MAP3K20: variants seen among roughly 807,000 people sequenced by gnomAD.
MAP3K20 encodes the protein mitogen-activated protein kinase kinase kinase 20.
In MAP3K20, 40 loss-of-function variants were observed where a neutral mutation model predicts 85.7. The ratio of observed to expected loss-of-function variants is 0.47; its 90% CI spans 0.36 to 0.61. The LOEUF is 0.61. Among genes scored for constraint, MAP3K20 ranks in the 20% least tolerant of loss-of-function variants. The probability of loss-of-function intolerance (pLI) is 0.00; values close to 1 mark genes in which losing one functional copy is unlikely to be tolerated. For synonymous variants in MAP3K20, 325 were observed against 327.7 expected (o/e 0.99, Z 0.09); for missense variants, 817 against 961.7 (o/e 0.85, Z 1.99).
chr2:173,077,818 C>G (rs1199464810), intron 1 of MAP3K20, among the ~76,000 whole-genome samples: 1 of 152,174 alleles, frequency 6.6e-6, no homozygotes, highest in African/African-American at 2.4e-5. Flanking sequence ...ATTAAACACT[C>G]GGACTTGGAT....
At chr2:173,207,293 C>T (rs567483181) in intron 9 of MAP3K20, among the ~76,000 whole-genome samples, 5 of 152,202 alleles carry the variant, frequency 3.3e-5, no homozygotes, top group South Asian at 2.1e-4. Context: ...AGGAGTTGGA[C>T]ACCAGCCAGG....
chr2:173,197,459 G>A (rs572518886), intron 7 of MAP3K20, among the ~76,000 whole-genome samples: 4 of 152,232 alleles, frequency 2.6e-5, no homozygotes, highest in Admixed American at 1.3e-4. Flanking sequence ...CCCTTAGACC[G>A]ACTCATTTTG....
At chr2:173,118,821 C>T (rs899215944) in intron 2 of MAP3K20, among the ~76,000 whole-genome samples, 1 of 152,096 alleles carries the variant, frequency 6.6e-6, no homozygotes, top group African/African-American at 2.4e-5. Context: ...GAAATTACAA[C>T]TTTATCCTGT....
At chr2:173,227,948 A>C (rs1684431249) in intron 11 of MAP3K20, among the ~76,000 whole-genome samples, 1 of 152,094 alleles carries the variant, frequency 6.6e-6, no homozygotes, top group Admixed American at 6.6e-5. Flanking sequence ...GAAGAGACAA[A>C]ATTGTCACCT....
intron 2 of MAP3K20, among the ~76,000 whole-genome samples, chr2:173,116,040 G>A (rs962737793): frequency 6.6e-6 from 1 of 151,392 alleles, no homozygotes; most frequent in Admixed American, 6.6e-5. Context: ...TGTAGAGAAA[G>A]GGTTTTGCCA....
At chr2:173,101,088 G>T (rs1687625007) in intron 2 of MAP3K20, among the ~76,000 whole-genome samples, 1 of 152,178 alleles carries the variant, frequency 6.6e-6, no homozygotes, top group Admixed American at 6.5e-5. Context: ...TAGGAGAGAG[G>T]TCACTGAGGA....
chr2:173,179,984 G>T (rs1690278825), intron 3 of MAP3K20, among the ~76,000 whole-genome samples: 1 of 152,094 alleles, frequency 6.6e-6, no homozygotes, highest in African/African-American at 2.4e-5. Flanking sequence ...TAAACAAATA[G>T]ACATTTACAT....
At chr2:173,145,246 CAAAAAAAAA>C (rs1278133534) in intron 2 of MAP3K20, among the ~76,000 whole-genome samples, 7 of 146,098 alleles carry the variant, frequency 4.8e-5, no homozygotes, top group Non-Finnish European at 9.0e-5. Context: ...GACTCCGTCT[CAAAAAAAAA>C]GAAAAAAAAA....
rs1169067117 is a variant in MAP3K20, at chr2:173,267,443, T to A, written c.*693T>A. 1.3e-5 allele frequency: 2 copies of A among 152,188 alleles called. No individual in the cohort carries two copies. The highest frequency in any genetic ancestry group is 4.8e-5 in the African/African-American group (2 of 41,416). 9.4% of individuals were successfully genotyped at this position (152,188 alleles called of 1,614,324 possible). A position where few individuals can be genotyped will look rare whatever the true frequency, so the allele number is the denominator to read the frequency against. ...ATTTAGTATTTATTTTAGTAAGATATTTGTGTCTGTATGATGGTCAGAGTT... is the reference window on the plus strand; with the variant it reads ...ATTTAGTATTTATTTTAGTAAGATAATTGTGTCTGTATGATGGTCAGAGTT... On this transcript the variant is annotated 3_prime_UTR_variant, in exon 20 of 20. Transcript: ENST00000375213.
At chr2:173,179,252 G>A (rs999918957) in intron 3 of MAP3K20, among the ~76,000 whole-genome samples, 4 of 152,050 alleles carry the variant, frequency 2.6e-5, no homozygotes, top group African/African-American at 9.7e-5. Flanking sequence ...AATTAGCTGG[G>A]CATGGTGGCA....
At position 173,198,248 on chromosome 2, in the gene MAP3K20, G is replaced by A; in HGVS notation, c.669+136G>A. ...GATTAGCAGTAGGAGCTAACACAAA[G>A]GGTCAAAGTGATGTTATTCCTCATG... On this transcript the variant is annotated intron_variant, in intron 8 of 19. Transcript: ENST00000375213. This position sits in a 1 kb window ranked among gnomAD's most constrained non-coding sequence, Gnocchi z 5.8. 1 of 707,406 alleles carries A rather than the reference G, an allele frequency of 1.4e-6. No homozygotes were observed. The highest frequency in any genetic ancestry group is 2.7e-5 in the Admixed American group (1 of 37,020). 43.8% of individuals were successfully genotyped at this position (707,406 alleles called of 1,614,324 possible).
At chr2:173,224,318 TAAG>T in intron 11 of MAP3K20, 1 of 985,394 alleles carries the variant, frequency 1.0e-6, no homozygotes, top group Non-Finnish European at 1.2e-6. Context: ...GAGTCTCATT[TAAG>T]AATGATCAGC....
chr2:173,104,361 G>C (rs759625808), intron 2 of MAP3K20, among the ~76,000 whole-genome samples: 57 of 152,212 alleles, frequency 3.7e-4, no homozygotes, highest in Non-Finnish European at 7.1e-4. Context: ...CTGATGGACA[G>C]TCTACAAAAT....
chr2:173,117,987 G>A (rs1235371360), intron 2 of MAP3K20, among the ~76,000 whole-genome samples: 2 of 152,138 alleles, frequency 1.3e-5, no homozygotes, highest in Non-Finnish European at 2.9e-5. Context: ...CTAAATCTCT[G>A]GTATGGCAGG....
At chr2:173,132,338 C>T (rs376912407) in intron 2 of MAP3K20, among the ~76,000 whole-genome samples, 1 of 152,284 alleles carries the variant, frequency 6.6e-6, no homozygotes, top group East Asian at 1.9e-4. Context: ...AAGTCACCCT[C>T]AACAAAGCTT....
chr2:173,139,070 A>G lies in MAP3K20; in HGVS notation c.160-30735A>G, dbSNP rs563696179. On this transcript the variant is annotated intron_variant, in intron 2 of 19. Transcript: ENST00000375213. ...GAACTTGGTATCCTCAAATGATAGTATATAATATTACTCAGTGCTTTGCCA... is the reference window on the plus strand; with the variant it reads ...GAACTTGGTATCCTCAAATGATAGTGTATAATATTACTCAGTGCTTTGCCA... Among the ~76,000 whole-genome samples, 5 of 152,364 alleles carry G rather than the reference A, an allele frequency of 3.3e-5. No homozygotes were observed. In the East Asian group the frequency reaches 9.7e-4, roughly 29 times the overall value.
chr2:173,167,098 G>A (rs1689853795), intron 2 of MAP3K20, among the ~76,000 whole-genome samples: 1 of 151,734 alleles, frequency 6.6e-6, no homozygotes, highest in African/African-American at 2.4e-5. Context: ...TGTATTTTTA[G>A]TAGAGACGGG....
chr2:173,084,437 A>AG (rs1687093300), intron 1 of MAP3K20, among the ~76,000 whole-genome samples: 2 of 150,142 alleles, frequency 1.3e-5, no homozygotes, highest in African/African-American at 4.8e-5. Flanking sequence ...AAAAAAAAAA[A>AG]GAAAAGTATT....
At chr2:173,223,086 C>T (rs1038114642) in intron 11 of MAP3K20, 4 of 985,326 alleles carry the variant, frequency 4.1e-6, no homozygotes, top group Non-Finnish European at 3.6e-6. Context: ...GAATTTGAAG[C>T]GTGACGTGTT....
Sources: allele counts gnomAD v4.1 joint callset (sites outside exome capture counted in the v4.1 genomes callset), GRCh38; gene constraint gnomAD v4.1.1; non-coding constraint Gnocchi (gnomAD v3.1); transcripts MANE v1.5; gene names NCBI Gene and HGNC (gene_info 2026-07-23, HGNC 2026-07-21).